STX8: variants seen among roughly 807,000 people sequenced by gnomAD.
The protein encoded by STX8 is syntaxin-8.
STX8 carries 23 observed loss-of-function variants against 37.5 expected under a neutral mutation model. That is an observed-to-expected ratio of 0.61 (90% CI 0.44 to 0.87). The LOEUF is 0.87. STX8 is among the 40% of genes least tolerant of loss of function. The pLI is 0.00. For synonymous variants in STX8, 115 were observed against 99.1 expected, an observed-to-expected ratio of 1.16 and a Z score of -0.95; for missense variants, 313 against 284.7, an observed-to-expected ratio of 1.10 and a Z score of -0.71.
chr17:9,515,637 C>A (rs1314209638), intron 4 of STX8, among the ~76,000 whole-genome samples: 1 of 152,204 alleles, frequency 6.6e-6, no homozygotes, highest in East Asian at 1.9e-4. Context: ...ATCCTCCCAC[C>A]TCAGCCTCCT....
At position 9,310,130 on chromosome 17, in the gene STX8, T is replaced by C. The variant is rs80351349; in HGVS notation, c.644-59485A>G. ...GCTGGAGACAGAAAATGAACCCTCA[T>C]TTTTCTGGCAAAAGGGGGAAAAAAA... On this transcript the variant is annotated intron_variant, in intron 7 of 7. Coordinates refer to ENST00000306357, the MANE Select transcript of STX8 (RefSeq NM_004853.3). Among the ~76,000 whole-genome samples the C allele has an allele frequency of 6.0e-3, 900 of 149,518 alleles. 10 individuals are homozygous for C. The highest frequency in any genetic ancestry group is 0.01 in the Middle Eastern group (3 of 294).
chr17:9,515,445 A>T (rs965704272), intron 4 of STX8, among the ~76,000 whole-genome samples: 11 of 152,076 alleles, frequency 7.2e-5, no homozygotes, highest in Non-Finnish European at 1.2e-4. Context: ...CAGAAGTATG[A>T]CTTTCTTCCA....
intron 2 of STX8, among the ~76,000 whole-genome samples, chr17:9,562,421 A>T (rs988866447): frequency 2.0e-5 from 3 of 152,026 alleles, no homozygotes; most frequent in African/African-American, 7.2e-5. Flanking sequence ...AAAAAAAAAA[A>T]AACTTTCACA....
At chr17:9,362,847 AT>A (rs1331785089) in intron 7 of STX8, among the ~76,000 whole-genome samples, 8 of 149,160 alleles carry the variant, frequency 5.4e-5, no homozygotes, top group South Asian at 2.1e-4. Flanking sequence ...AAAAAAATAA[AT>A]AAATAAATAA....
intron 3 of STX8, among the ~76,000 whole-genome samples, chr17:9,551,775 G>A (rs891264671): frequency 2.0e-5 from 3 of 152,122 alleles, no homozygotes; most frequent in Non-Finnish European, 4.4e-5. Context: ...CTTGGTAAGT[G>A]GCAGAGCTGG....
intron 6 of STX8, among the ~76,000 whole-genome samples, chr17:9,454,772 A>G (rs1905141617): frequency 6.6e-6 from 1 of 152,108 alleles, no homozygotes; most frequent in South Asian, 2.1e-4. Flanking sequence ...AACTGAAACC[A>G]CAGAAAGCGA....
intron 4 of STX8, among the ~76,000 whole-genome samples, chr17:9,516,122 T>C (rs539336700): frequency 6.6e-6 from 1 of 151,760 alleles, no homozygotes; most frequent in African/African-American, 2.4e-5. Context: ...GCTATGACCA[T>C]CAAAATGAGT....
intron 7 of STX8, among the ~76,000 whole-genome samples, chr17:9,362,517 C>T (rs964573407): frequency 6.6e-6 from 1 of 152,010 alleles, no homozygotes; most frequent in African/African-American, 2.4e-5. Context: ...TCCTTATCTT[C>T]CATTAAAAAT....
At chr17:9,546,558 A>G (rs1906522846) in intron 3 of STX8, among the ~76,000 whole-genome samples, 2 of 129,838 alleles carry the variant, frequency 1.5e-5, no homozygotes, top group African/African-American at 5.9e-5. Context: ...AAAGTTTTAT[A>G]TACTAGCTTT....
intron 7 of STX8, among the ~76,000 whole-genome samples, chr17:9,308,534 C>A (rs1485781398): frequency 6.6e-6 from 1 of 151,966 alleles, no homozygotes; most frequent in Non-Finnish European, 1.5e-5. Flanking sequence ...ACCAGCCTGG[C>A]CAAGATGGTG....
chr17:9,468,513 C>T (rs770671182), intron 6 of STX8, among the ~76,000 whole-genome samples: 2 of 152,156 alleles, frequency 1.3e-5, no homozygotes, highest in African/African-American at 2.4e-5. Flanking sequence ...AGTCCCCATC[C>T]GACCCAGGTG....
chr17:9,315,492 A>T (rs1034277799), intron 7 of STX8, among the ~76,000 whole-genome samples: 10 of 152,218 alleles, frequency 6.6e-5, no homozygotes, highest in South Asian at 2.1e-4. Flanking sequence ...TTAAATGCTA[A>T]GTCTCCACCC....
intron 6 of STX8, among the ~76,000 whole-genome samples, chr17:9,396,433 C>T (rs751838598): frequency 2.0e-5 from 3 of 151,990 alleles, no homozygotes; most frequent in Non-Finnish European, 2.9e-5. Flanking sequence ...CCTGTAATCC[C>T]GCACTTTGGG....
At chr17:9,405,657 AATGTC>A (rs1460605652) in intron 6 of STX8, among the ~76,000 whole-genome samples, 18 of 152,122 alleles carry the variant, frequency 1.2e-4, no homozygotes, top group Non-Finnish European at 1.3e-4. Flanking sequence ...CTTACTAGTA[AATGTC>A]ATGTTTGGCT....
At chr17:9,364,735 T>C (rs949888073) in intron 7 of STX8, among the ~76,000 whole-genome samples, 4 of 152,100 alleles carry the variant, frequency 2.6e-5, no homozygotes, top group African/African-American at 9.7e-5. Context: ...GGTTCCACCA[T>C]GGTGGCCAGG....
chr17:9,300,806 G>A (rs1415298096), intron 7 of STX8, among the ~76,000 whole-genome samples: 1 of 149,368 alleles, frequency 6.7e-6, no homozygotes, highest in Admixed American at 6.7e-5. Context: ...TATTAGTTAT[G>A]AGATGGGACA....
intron 7 of STX8, among the ~76,000 whole-genome samples, chr17:9,316,184 T>A (rs1597600464): frequency 6.6e-6 from 1 of 152,108 alleles, no homozygotes; most frequent in East Asian, 1.9e-4. Context: ...CCCTGAACTT[T>A]GTCTAAGTAT....
intron 7 of STX8, among the ~76,000 whole-genome samples, chr17:9,270,307 C>T (rs917153898): frequency 6.6e-5 from 10 of 152,274 alleles, no homozygotes; most frequent in Non-Finnish European, 1.0e-4. Context: ...TGCAGTGGCG[C>T]GATCTCAGCT....
chr17:9,366,942 A>G (rs1655485314), intron 7 of STX8, among the ~76,000 whole-genome samples: 2 of 152,320 alleles, frequency 1.3e-5, no homozygotes, highest in South Asian at 4.1e-4. Context: ...AGAGAGAACC[A>G]TCTCAAATAT....
Sources: gnomAD v4.1 joint callset for allele counts (sites outside exome capture counted in the v4.1 genomes callset) on GRCh38, gnomAD v4.1.1 for gene constraint, MANE v1.5 for transcripts, NCBI Gene and HGNC (gene_info 2026-07-23, HGNC 2026-07-21) for gene names.